The following RMDN2 variants were observed in gnomAD, a reference collection of about 807,000 sequenced individuals.
RMDN2 encodes regulator of microtubule dynamics 2, also known as regulator of microtubule dynamics protein 2.
RMDN2 carries 61 observed loss-of-function variants against 52.8 expected under a neutral mutation model. The ratio of observed to expected loss-of-function variants is 1.16; its 90% CI spans 0.94 to 1.43. The LOEUF (loss-of-function observed/expected upper bound fraction) is 1.43, where lower values mean the gene tolerates loss of function less well. Among genes scored for constraint, RMDN2 ranks in the 40% most tolerant of loss-of-function variants. The probability of loss-of-function intolerance (pLI) is 0.00; values close to 1 mark genes in which losing one functional copy is unlikely to be tolerated. For missense variants in RMDN2, 592 were observed against 475.3 expected (o/e 1.25, Z -2.28); for synonymous variants, 180 against 153.1 (o/e 1.18, Z -1.30).
rs770364583 is a variant in RMDN2, at chr2:37,991,204, T to C, written c.868-16T>C. On this transcript the variant is annotated splice_polypyrimidine_tract_variant and intron_variant, in intron 6 of 10. Coordinates refer to ENST00000354545, the MANE Select transcript of RMDN2 (RefSeq NM_001170791.3). ...TGAAACTTGGGAGATGATTTTCCTT[T>C]GGATGCTTTTTTCAGGAACATCTAG... 5.4e-6 allele frequency: 8 copies of C among 1,491,606 alleles called. No individual in the cohort carries two copies. The highest frequency in any genetic ancestry group is 7.3e-6 in the Non-Finnish European group (8 of 1,091,700). 92.4% of individuals were successfully genotyped at this position (1,491,606 alleles called of 1,614,324 possible).
chr2:37,963,904 G>GCC (rs368944368), intron 2 of RMDN2, among the ~76,000 whole-genome samples: 50,874 of 148,620 alleles, frequency 0.34, 10,950 homozygotes, highest in South Asian at 0.52. Flanking sequence ...GGGCAGAGGC[G>GCC]CCCCCCCACC....
intron 10 of RMDN2, among the ~76,000 whole-genome samples, chr2:38,015,346 C>CAT: frequency 6.6e-6 from 1 of 152,254 alleles, no homozygotes; most frequent in East Asian, 1.9e-4. Flanking sequence ...GCGTGCAGAT[C>CAT]ATTAGGTCAA....
chr2:38,055,926 A>C (rs1454469531), intron 10 of RMDN2, among the ~76,000 whole-genome samples: 1 of 152,100 alleles, frequency 6.6e-6, no homozygotes. Flanking sequence ...AAAAAAATCA[A>C]GGTTCTGTTA....
At chr2:38,019,881 C>T (rs556786552), downstream of RMDN2, among the ~76,000 whole-genome samples, 24 of 152,130 alleles carry the variant, frequency 1.6e-4, no homozygotes, top group East Asian at 1.9e-3. Flanking sequence ...GCTGTAATTG[C>T]GCCACTACAC....
chr2:37,941,436 G>A (rs1224088947), intron 2 of RMDN2, among the ~76,000 whole-genome samples: 1 of 152,234 alleles, frequency 6.6e-6, no homozygotes, highest in Non-Finnish European at 1.5e-5. Context: ...TGGGAGATCT[G>A]CTGCTCTCTT....
intron 2 of RMDN2, among the ~76,000 whole-genome samples, chr2:37,959,026 A>G (rs1368232352): frequency 4.0e-5 from 6 of 150,924 alleles, no homozygotes; most frequent in African/African-American, 1.2e-4. Flanking sequence ...GTGGATAGCT[A>G]TTTGATGTGC....
chr2:38,042,695 TTTC>T (rs1433645479), intron 10 of RMDN2, among the ~76,000 whole-genome samples: 1 of 152,188 alleles, frequency 6.6e-6, no homozygotes, highest in Non-Finnish European at 1.5e-5. Flanking sequence ...TTTGATTAGT[TTTC>T]TTTTCATTTT....
In RMDN2 at chr2:37,929,531, A is replaced by G; in HGVS notation, c.254A>G (p.Asn85Ser). The change falls in exon 2 of 11, where the codon AAT (asparagine) becomes AGT (serine). Residue 85 changes from asparagine (N) to serine (S), a missense_variant. By Grantham distance (46) the Asn-to-Ser change is conservative (BLOSUM62 1). Coordinates refer to ENST00000354545, the MANE Select transcript of RMDN2 (RefSeq NM_001170791.3). ...ILEKLNELLT[N>S]MEELKEEIRF... ...GAGAAGTTAAACGAATTACTGACAA[A>G]TATGGAAGAACTCAAAGAGGAAATC... 2 of 1,551,836 alleles carry G rather than the reference A, an allele frequency of 1.3e-6. No individual in the cohort carries two copies. Among genetic ancestry groups the G allele is most frequent in the Non-Finnish European group, 1.7e-6 (2 of 1,146,960 alleles).
intron 10 of RMDN2, among the ~76,000 whole-genome samples, chr2:38,028,807 T>A (rs1342296199): frequency 6.6e-6 from 1 of 152,128 alleles, no homozygotes; most frequent in African/African-American, 2.4e-5. Flanking sequence ...AAGCCCCTTT[T>A]TATATCCTTC....
In RMDN2 at chr2:37,943,719, T is replaced by C. The variant is rs148339049; in HGVS notation, c.452+13990T>C. On this transcript the variant is annotated intron_variant, in intron 2 of 10. Transcript: ENST00000354545. ...TCATTGCGCTCCATTCTATTATATA[T>C]GCATTTTTCATGTTAAACTGCAGTT... Among the ~76,000 whole-genome samples, 292 of 152,334 alleles carry C rather than the reference T, an allele frequency of 1.9e-3. 1 individual carries two copies. The highest frequency in any genetic ancestry group is 6.6e-3 in the African/African-American group (273 of 41,582).
At chr2:38,064,818 G>T (rs1288001194) in intron 10 of RMDN2, among the ~76,000 whole-genome samples, 2 of 152,116 alleles carry the variant, frequency 1.3e-5, no homozygotes, top group Non-Finnish European at 2.9e-5. Context: ...CTCCCAAGAG[G>T]ATATATTTCA....
At chr2:37,966,604 A>G (rs1462078406) in intron 2 of RMDN2, among the ~76,000 whole-genome samples, 1 of 150,592 alleles carries the variant, frequency 6.6e-6, no homozygotes, top group Non-Finnish European at 1.5e-5. Flanking sequence ...CTTTTTTTTC[A>G]TTTTTTATTC....
intron 10 of RMDN2, among the ~76,000 whole-genome samples, chr2:38,062,496 C>T (rs1385827307): frequency 6.6e-6 from 1 of 152,040 alleles, no homozygotes; most frequent in East Asian, 1.9e-4. Context: ...AGGTTGTTTT[C>T]AGTATGAAGT....
chr2:37,949,623 A>G (rs1368146483), intron 2 of RMDN2, among the ~76,000 whole-genome samples: 1 of 152,188 alleles, frequency 6.6e-6, no homozygotes, highest in Non-Finnish European at 1.5e-5. Flanking sequence ...CGACCATTGT[A>G]TGGTGAACGT....
chr2:38,014,211 G>A (rs551575239), intron 10 of RMDN2, among the ~76,000 whole-genome samples: 42 of 151,076 alleles, frequency 2.8e-4, no homozygotes, highest in Non-Finnish European at 3.8e-4. Context: ...AAACTCCGTC[G>A]CAAAAAAAAA....
intron 10 of RMDN2, among the ~76,000 whole-genome samples, chr2:38,048,179 A>T (rs1368307195): frequency 2.6e-5 from 4 of 152,242 alleles, no homozygotes; most frequent in South Asian, 4.1e-4. Flanking sequence ...GCTTTGCTGC[A>T]GTCCTCCCTG....
intron 5 of RMDN2, among the ~76,000 whole-genome samples, chr2:37,989,032 G>T (rs1249124373): frequency 6.6e-6 from 1 of 152,014 alleles, no homozygotes; most frequent in Non-Finnish European, 1.5e-5. Context: ...TTTAATCGTG[G>T]TATTTATTTG....
chr2:38,057,617 C>G (rs1328212291), intron 10 of RMDN2, among the ~76,000 whole-genome samples: 1 of 152,032 alleles, frequency 6.6e-6, no homozygotes, highest in African/African-American at 2.4e-5. Flanking sequence ...ATCTATGTCC[C>G]CACTCAAATC....
chr2:38,025,239 C>T (rs1001751249), intron 10 of RMDN2, among the ~76,000 whole-genome samples: 2 of 151,856 alleles, frequency 1.3e-5, no homozygotes, highest in African/African-American at 4.8e-5. Flanking sequence ...AAACTTATTC[C>T]TAAGTATTTC....
Sources: gnomAD v4.1 joint callset for allele counts (sites outside exome capture counted in the v4.1 genomes callset) on GRCh38, gnomAD v4.1.1 for gene constraint, MANE v1.5 for transcripts, NCBI Gene and HGNC (gene_info 2026-07-23, HGNC 2026-07-21) for gene names.